Variants in UBTD2 observed in about 807,000 individuals in gnomAD.
The protein encoded by UBTD2 is ubiquitin domain-containing protein 2.
In UBTD2, 9 loss-of-function variants were observed where a neutral mutation model predicts 19.8. The ratio of observed to expected loss-of-function variants is 0.46; its 90% CI spans 0.27 to 0.79. The LOEUF (loss-of-function observed/expected upper bound fraction) is 0.79. UBTD2 is among the 30% of genes least tolerant of loss of function. The probability of loss-of-function intolerance (pLI) is 0.14; values close to 1 mark genes in which losing one functional copy is unlikely to be tolerated. For synonymous variants in UBTD2, 98 were observed against 103.9 expected (o/e 0.94, Z 0.35); for missense variants, 250 against 300.4 (o/e 0.83, Z 1.24).
chr5:172,251,723 G>A (rs1755025038), intron 1 of UBTD2, among the ~76,000 whole-genome samples: 2 of 152,136 alleles, frequency 1.3e-5, no homozygotes, highest in Non-Finnish European at 2.9e-5. Flanking sequence ...CAAAAGCTGA[G>A]TGAGTTCTTC....
At chr5:172,233,532 G>C (rs1247250730) in intron 2 of UBTD2, among the ~76,000 whole-genome samples, 4 of 152,108 alleles carry the variant, frequency 2.6e-5, no homozygotes, top group Non-Finnish European at 4.4e-5. Flanking sequence ...CCTTAAAAGA[G>C]TCACATTCCT....
chr5:172,215,311 A>C (rs1164772432), intron 2 of UBTD2, among the ~76,000 whole-genome samples: 1 of 152,222 alleles, frequency 6.6e-6, no homozygotes, highest in East Asian at 1.9e-4. Flanking sequence ...CCCTCAGAAG[A>C]AACTAACTAG....
intron 1 of UBTD2, among the ~76,000 whole-genome samples, chr5:172,279,711 AC>A (rs1755672578): frequency 6.6e-6 from 1 of 152,250 alleles, no homozygotes; most frequent in Non-Finnish European, 1.5e-5. Flanking sequence ...TTTTCTGCCC[AC>A]ATATTTATTT....
chr5:172,280,966 GA>G (rs1207865410), intron 1 of UBTD2, among the ~76,000 whole-genome samples: 1 of 152,214 alleles, frequency 6.6e-6, no homozygotes, highest in African/African-American at 2.4e-5. Flanking sequence ...ATGGTCAAAA[GA>G]TTTTTTTAAA....
At chr5:172,230,974 G>A (rs1480636131) in intron 2 of UBTD2, among the ~76,000 whole-genome samples, 4 of 151,974 alleles carry the variant, frequency 2.6e-5, no homozygotes, top group Non-Finnish European at 4.4e-5. Flanking sequence ...TAGTAGAGAC[G>A]GGGTTTCACC....
chr5:172,259,568 TTGTATG>T (rs1755225388), intron 1 of UBTD2, among the ~76,000 whole-genome samples: 1 of 152,110 alleles, frequency 6.6e-6, no homozygotes, highest in African/African-American at 2.4e-5. Flanking sequence ...TGTATATATG[TTGTATG>T]TGTATATGTA....
intron 1 of UBTD2, among the ~76,000 whole-genome samples, chr5:172,253,917 GAA>G (rs996631922): frequency 6.6e-6 from 1 of 150,862 alleles, no homozygotes; most frequent in Admixed American, 6.6e-5. Context: ...GCAACCCTAG[GAA>G]AAAAAAAGTG....
At chr5:172,222,274 C>G (rs1030218836) in intron 2 of UBTD2, among the ~76,000 whole-genome samples, 8 of 152,184 alleles carry the variant, frequency 5.3e-5, no homozygotes, top group Admixed American at 3.9e-4. Context: ...CCCCAAATCT[C>G]TACTAAAGAC....
At chr5:172,228,529 T>C (rs1771818172) in intron 2 of UBTD2, among the ~76,000 whole-genome samples, 1 of 152,116 alleles carries the variant, frequency 6.6e-6, no homozygotes, top group South Asian at 2.1e-4. Flanking sequence ...GAGACCACCC[T>C]GGCCAACATG....
chr5:172,219,870 A>G (rs576658077), intron 2 of UBTD2, among the ~76,000 whole-genome samples: 10 of 152,346 alleles, frequency 6.6e-5, no homozygotes, highest in Non-Finnish European at 1.0e-4. Flanking sequence ...TTGTGTTCCA[A>G]TTGACAGCAT....
At chr5:172,224,585 C>A (rs1298023573) in intron 2 of UBTD2, among the ~76,000 whole-genome samples, 1 of 152,108 alleles carries the variant, frequency 6.6e-6, no homozygotes, top group Non-Finnish European at 1.5e-5. Context: ...GCCACTGTGC[C>A]CGGCCAAGAT....
At chr5:172,255,304 TC>T in intron 1 of UBTD2, 1 of 450,882 alleles carries the variant, frequency 2.2e-6, no homozygotes, top group Non-Finnish European at 4.5e-6. Flanking sequence ...AAAGAACTCA[TC>T]AGGCAATTGT....
intron 1 of UBTD2, among the ~76,000 whole-genome samples, chr5:172,270,357 T>C (rs1370172648): frequency 1.4e-5 from 2 of 141,564 alleles, no homozygotes; most frequent in East Asian, 4.1e-4. Context: ...AGAATTTTTT[T>C]TTTTTTTTTT....
intron 1 of UBTD2, among the ~76,000 whole-genome samples, chr5:172,247,668 C>T (rs1185530114): frequency 6.6e-6 from 1 of 152,112 alleles, no homozygotes; most frequent in Non-Finnish European, 1.5e-5. Context: ...CAAGTATATA[C>T]AACAGAACCC....
At chr5:172,225,719 A>C (rs1771749772) in intron 2 of UBTD2, among the ~76,000 whole-genome samples, 1 of 152,178 alleles carries the variant, frequency 6.6e-6, no homozygotes, top group African/African-American at 2.4e-5. Context: ...TGTCCACTTT[A>C]AACATGCTGT....
chr5:172,268,617 G>C (rs956884576), intron 1 of UBTD2, among the ~76,000 whole-genome samples: 2 of 152,054 alleles, frequency 1.3e-5, no homozygotes, highest in African/African-American at 2.4e-5. Flanking sequence ...GCATGGTGGC[G>C]CACACCTGTA....
intron 1 of UBTD2, among the ~76,000 whole-genome samples, chr5:172,275,563 ATT>A (rs1405685874): frequency 1.3e-5 from 2 of 152,112 alleles, no homozygotes; most frequent in Non-Finnish European, 2.9e-5. Context: ...ATTAGAGGTG[ATT>A]TTCTTATTGC....
At chr5:172,269,216 G>A (rs1025171779) in intron 1 of UBTD2, among the ~76,000 whole-genome samples, 3 of 152,110 alleles carry the variant, frequency 2.0e-5, no homozygotes, top group South Asian at 2.1e-4. Flanking sequence ...TGGGCGGGGC[G>A]GGGTGGCTCA....
chr5:172,277,933 T>C (rs910789762), intron 1 of UBTD2, among the ~76,000 whole-genome samples: 1 of 149,138 alleles, frequency 6.7e-6, no homozygotes, highest in Non-Finnish European at 1.5e-5. Flanking sequence ...TAAATGGACA[T>C]GAAAACAGGT....
Sources: allele counts gnomAD v4.1 joint callset (sites outside exome capture counted in the v4.1 genomes callset), GRCh38; gene constraint gnomAD v4.1.1; transcripts MANE v1.5; gene names NCBI Gene and HGNC (gene_info 2026-07-23, HGNC 2026-07-21).